The following ANKRD44 variants were observed in gnomAD, a reference collection of about 807,000 sequenced individuals.
ANKRD44 encodes ankyrin repeat domain 44.
A neutral mutation model predicts 116.0 loss-of-function variants in ANKRD44; 35 were observed. That is an observed-to-expected ratio of 0.30 (90% CI 0.23 to 0.40). ANKRD44 has a LOEUF of 0.40. Among genes scored for constraint, ANKRD44 ranks in the 10% least tolerant of loss-of-function variants. ANKRD44 has a pLI of 1.00. For missense variants in ANKRD44, 1,014 were observed against 1,242.6 expected, an observed-to-expected ratio of 0.82 and a Z score of 2.77; for synonymous variants, 435 against 461.8, an observed-to-expected ratio of 0.94 and a Z score of 0.74.
At chr2:197,009,131 C>T (rs1205696060) in intron 18 of ANKRD44, 100 bp from the exon 19 acceptor site, 4 of 971,830 alleles carry the variant, frequency 4.1e-6, no homozygotes, top group Non-Finnish European at 6.3e-6. Context: ...CTTGCTCTGT[C>T]GCCAGGCTGG....
chr2:197,273,841 T>C (rs2082969067), intron 1 of ANKRD44, among the ~76,000 whole-genome samples: 1 of 151,146 alleles, frequency 6.6e-6, no homozygotes, highest in African/African-American at 2.4e-5. Flanking sequence ...CTCTCAGGCA[T>C]GTCAAGGATT....
At chr2:197,050,292 A>C (rs571496317) in intron 16 of ANKRD44, among the ~76,000 whole-genome samples, 95 of 152,264 alleles carry the variant, frequency 6.2e-4, no homozygotes, top group Middle Eastern at 3.4e-3. Flanking sequence ...ACCAGGCCCC[A>C]CCTCCAACAC....
intron 16 of ANKRD44, chr2:197,078,326 C>CACACACACACAT (rs541823287): frequency 3.4e-6 from 1 of 291,508 alleles, no homozygotes; most frequent in Non-Finnish European, 6.8e-6. Context: ...CACACACACA[C>CACACACACACAT]GCATACACAT....
chr2:197,162,550 C>T (rs2079992977), intron 2 of ANKRD44, among the ~76,000 whole-genome samples: 1 of 152,170 alleles, frequency 6.6e-6, no homozygotes, highest in South Asian at 2.1e-4. Flanking sequence ...GAACCAAGGA[C>T]ATTAGACATA....
chr2:197,006,286 A>G (rs1031668791), intron 20 of ANKRD44, among the ~76,000 whole-genome samples: 1 of 152,018 alleles, frequency 6.6e-6, no homozygotes, highest in Non-Finnish European at 1.5e-5. Flanking sequence ...ACTAAAAAAA[A>G]TACGAAAAAT....
At chr2:197,060,152 C>G (rs1367363157) in intron 16 of ANKRD44, among the ~76,000 whole-genome samples, 3 of 152,130 alleles carry the variant, frequency 2.0e-5, no homozygotes, top group African/African-American at 4.8e-5. Context: ...AGAATTCTAA[C>G]AGAGCAACTA....
At chr2:197,073,696 C>T (rs1222047430) in intron 16 of ANKRD44, among the ~76,000 whole-genome samples, 2 of 152,306 alleles carry the variant, frequency 1.3e-5, no homozygotes, top group African/African-American at 4.8e-5. Flanking sequence ...ATCTCCTCCA[C>T]TATGAGGGGT....
At chr2:197,248,914 A>C (rs1368145576) in intron 1 of ANKRD44, among the ~76,000 whole-genome samples, 1 of 152,170 alleles carries the variant, frequency 6.6e-6, no homozygotes, top group Non-Finnish European at 1.5e-5. Flanking sequence ...TGCATGAAGA[A>C]AGACTCTTGA....
chr2:197,295,036 GA>G (rs1185524107), intron 1 of ANKRD44, among the ~76,000 whole-genome samples: 2 of 151,780 alleles, frequency 1.3e-5, no homozygotes, highest in East Asian at 1.9e-4. Context: ...TAGGCAGAGG[GA>G]AAAAAAAGTT....
At chr2:197,164,418 G>A (rs2080051273) in intron 2 of ANKRD44, among the ~76,000 whole-genome samples, 2 of 152,266 alleles carry the variant, frequency 1.3e-5, no homozygotes, top group East Asian at 3.9e-4. Flanking sequence ...CCTCTGAGGC[G>A]CCCCTCTGTT....
At chr2:197,237,977 C>T (rs1254021049) in intron 1 of ANKRD44, among the ~76,000 whole-genome samples, 2 of 152,238 alleles carry the variant, frequency 1.3e-5, no homozygotes, top group African/African-American at 4.8e-5. Flanking sequence ...TACCCACCCT[C>T]ACCTGATTAA....
intron 1 of ANKRD44, among the ~76,000 whole-genome samples, chr2:197,219,221 C>T (rs772756292): frequency 2.6e-5 from 4 of 151,980 alleles, no homozygotes; most frequent in Non-Finnish European, 4.4e-5. Flanking sequence ...AGGCATATGC[C>T]ACCACATCCC....
intron 1 of ANKRD44, among the ~76,000 whole-genome samples, chr2:197,209,559 G>A (rs939675563): frequency 3.3e-5 from 5 of 152,162 alleles, no homozygotes; most frequent in Admixed American, 2.6e-4. Flanking sequence ...CAGCACTCAA[G>A]CAGTCCAGGC....
chr2:197,149,539 T>C (rs773921570), intron 2 of ANKRD44, among the ~76,000 whole-genome samples: 1 of 152,244 alleles, frequency 6.6e-6, no homozygotes, highest in African/African-American at 2.4e-5. Flanking sequence ...AGAATAACTA[T>C]GCGAATTGAT....
intron 1 of ANKRD44, among the ~76,000 whole-genome samples, chr2:197,206,166 G>A (rs1043879561): frequency 1.3e-5 from 2 of 152,198 alleles, no homozygotes; most frequent in African/African-American, 4.8e-5. Flanking sequence ...GGGATGACAA[G>A]CCACACAAAA....
At chr2:197,247,411 C>A (rs1304409855) in intron 1 of ANKRD44, among the ~76,000 whole-genome samples, 1 of 152,136 alleles carries the variant, frequency 6.6e-6, no homozygotes, top group Non-Finnish European at 1.5e-5. Flanking sequence ...TTACAATGTA[C>A]CCTTTTGTTC....
chr2:197,063,651 T>G (rs2077367282), intron 16 of ANKRD44, among the ~76,000 whole-genome samples: 1 of 152,178 alleles, frequency 6.6e-6, no homozygotes, highest in African/African-American at 2.4e-5. Context: ...AACTACGTGA[T>G]GAATGCACAA....
At chr2:197,125,020 A>T (rs2078943177) in intron 6 of ANKRD44, among the ~76,000 whole-genome samples, 2 of 152,206 alleles carry the variant, frequency 1.3e-5, no homozygotes, top group Admixed American at 1.3e-4. Flanking sequence ...GACGAATGGA[A>T]TTTGTGTCCT....
At chr2:197,090,494 CTTT>C (rs372830692) in intron 10 of ANKRD44, among the ~76,000 whole-genome samples, 6 of 138,122 alleles carry the variant, frequency 4.3e-5, no homozygotes, top group Non-Finnish European at 7.8e-5. Context: ...TTTCTTTTCA[CTTT>C]TTTTTTTTTT....
Sources: gnomAD v4.1 joint callset for allele counts (sites outside exome capture counted in the v4.1 genomes callset) on GRCh38, gnomAD v4.1.1 for gene constraint, MANE v1.5 for transcripts, NCBI Gene and HGNC (gene_info 2026-07-23, HGNC 2026-07-21) for gene names.